The following FAIM2 variants were observed in gnomAD, a reference collection of about 807,000 sequenced individuals.
The protein encoded by FAIM2 is protein lifeguard 2.
FAIM2 carries 27 observed loss-of-function variants against 47.4 expected under a neutral mutation model. The ratio of observed to expected loss-of-function variants is 0.57; its 90% CI spans 0.42 to 0.78. The LOEUF is 0.78. FAIM2 is among the 30% of genes least tolerant of loss of function. FAIM2 has a pLI of 0.00. For synonymous variants in FAIM2, 156 were observed against 159.3 expected (o/e 0.98, Z 0.16); for missense variants, 311 against 389.4 (o/e 0.80, Z 1.69).
Position 49,903,660 on chromosome 12 carries a change from G to A in FAIM2, c.15+118C>T. 4.5e-6 allele frequency: 6 copies of A among 1,326,336 alleles called. No individual in the cohort carries two copies. In the South Asian group the frequency reaches 7.6e-5, roughly 17 times the overall value. 82.2% of individuals were successfully genotyped at this position (1,326,336 alleles called of 1,614,324 possible). A position where few individuals can be genotyped will look rare whatever the true frequency, so the allele number is the denominator to read the frequency against. On this transcript the variant is annotated intron_variant, in intron 1 of 11. Transcript: ENST00000320634. The stretch of plus-strand genomic sequence containing the variant: ...CTCTGACTTCAGCAAGGACCACGGA[G>A]GACCTTCAAACTAGGGCCAGGGGAG...
At position 49,867,947 on chromosome 12, in the gene FAIM2, C is replaced by G. The variant is rs992831136; in HGVS notation, c.*2557G>C. The stretch of plus-strand genomic sequence containing the variant: ...TGCGGCATCTTCTGCCCGGCTTCCC[C>G]AGCTCTGCAAAGAAGCCATTTCTCA... On this transcript the variant is annotated 3_prime_UTR_variant, in exon 12 of 12. Coordinates refer to ENST00000320634, the MANE Select transcript of FAIM2 (RefSeq NM_012306.4). 1 of 152,862 alleles carries G rather than the reference C, an allele frequency of 6.5e-6. No homozygotes were observed. The highest frequency in any genetic ancestry group is 1.5e-5 in the Non-Finnish European group (1 of 68,532). 9.5% of individuals were successfully genotyped at this position (152,862 alleles called of 1,614,324 possible). A position where few individuals can be genotyped will look rare whatever the true frequency, so the allele number is the denominator to read the frequency against.
intron 11 of FAIM2, among the ~76,000 whole-genome samples, chr12:49,879,649 T>G (rs1489508544): frequency 2.0e-5 from 3 of 151,616 alleles, no homozygotes; most frequent in African/African-American, 7.3e-5. Context: ...TGTGTGGGCA[T>G]GTGAATGTGT....
chr12:49,877,893 T>C (rs1459994035), intron 11 of FAIM2, among the ~76,000 whole-genome samples: 1 of 151,748 alleles, frequency 6.6e-6, no homozygotes, highest in African/African-American at 2.4e-5. Context: ...TGTATGTGGG[T>C]ATGTGTGTGT....
chr12:49,877,869 T>C (rs1946748596), intron 11 of FAIM2, among the ~76,000 whole-genome samples: 1 of 151,700 alleles, frequency 6.6e-6, no homozygotes. Flanking sequence ...TGTGTGTGAG[T>C]GTATACATAT....
chr12:49,877,174 C>G lies in FAIM2; in HGVS notation c.802-6521G>C, dbSNP rs554149085. Among the ~76,000 whole-genome samples the G allele has an allele frequency of 5.4e-4, 82 of 152,348 alleles. No homozygotes were observed. In the South Asian group the frequency reaches 0.012, roughly 22 times the overall value. The stretch of plus-strand genomic sequence containing the variant: ...CTCTGCCTCCCCTCCCTCAGTCCCC[C>G]ACCCCAGGGCTTCTCCACCTCCTCC... On this transcript the variant is annotated intron_variant, in intron 11 of 11. Coordinates refer to ENST00000320634, the MANE Select transcript of FAIM2 (RefSeq NM_012306.4).
intron 10 of FAIM2, among the ~76,000 whole-genome samples, chr12:49,888,397 T>G (rs1946876019): frequency 6.6e-6 from 1 of 152,094 alleles, no homozygotes; most frequent in Admixed American, 6.5e-5. Context: ...TGGGGGACTG[T>G]GTACCATGTG....
chr12:49,890,753 C>G, intron 6 of FAIM2, 31 bp from the exon 7 acceptor site: 1 of 1,610,424 alleles, frequency 6.2e-7, no homozygotes, highest in Non-Finnish European at 8.5e-7. Flanking sequence ...TTCAGGGGAT[C>G]GTAGGGGGTG....
chr12:49,880,108 CTGTG>C (rs1205542550), intron 11 of FAIM2, among the ~76,000 whole-genome samples: 5 of 142,518 alleles, frequency 3.5e-5, no homozygotes, highest in African/African-American at 5.2e-5. Context: ...ATATGTGCGT[CTGTG>C]TATGTGTGTG....
intron 10 of FAIM2, among the ~76,000 whole-genome samples, chr12:49,888,863 G>A (rs996479815): frequency 2.6e-5 from 4 of 152,224 alleles, no homozygotes; most frequent in Admixed American, 6.5e-5. Context: ...AGAGGAGGAC[G>A]GGAAAAGTGA....
At position 49,867,110 on chromosome 12, in the gene FAIM2, G is replaced by C. The variant is rs1946668208; in HGVS notation, c.*3394C>G. ...AGAACGGCTCAGGGAGGGCTTGGGAGGGGGTACACTGTGTCCGAGAGATGC... is the reference window on the plus strand; with the variant it reads ...AGAACGGCTCAGGGAGGGCTTGGGACGGGGTACACTGTGTCCGAGAGATGC... On this transcript the variant is annotated 3_prime_UTR_variant, in exon 12 of 12. Transcript: ENST00000320634. 1 of 152,184 alleles carries C rather than the reference G, an allele frequency of 6.6e-6. No individual in the cohort carries two copies. Among genetic ancestry groups the C allele is most frequent in the Admixed American group, 6.5e-5 (1 of 15,278 alleles). 9.4% of individuals were successfully genotyped at this position (152,184 alleles called of 1,614,324 possible).
At chr12:49,875,725 A>G (rs531301277) in intron 11 of FAIM2, among the ~76,000 whole-genome samples, 2 of 152,204 alleles carry the variant, frequency 1.3e-5, no homozygotes, top group Non-Finnish European at 2.9e-5. Flanking sequence ...CAGTAATCCC[A>G]GCACTTTGGG....
In FAIM2 at chr12:49,890,104, C is replaced by G. The variant is rs748878879; in HGVS notation, c.563+13G>C. The stretch of plus-strand genomic sequence containing the variant: ...GCCTATGGTCCTTCTCTCCTTCCAC[C>G]TGTTCCCTTTACCTGGACAGCATCC... On this transcript the variant is annotated intron_variant, in intron 8 of 11. Coordinates refer to ENST00000320634, the MANE Select transcript of FAIM2 (RefSeq NM_012306.4). 12 of 1,613,546 alleles carry G rather than the reference C, an allele frequency of 7.4e-6. No individual in the cohort carries two copies. The highest frequency in any genetic ancestry group is 8.5e-7 in the Non-Finnish European group (1 of 1,179,594).
At chr12:49,870,833 A>G (rs1946697198) in intron 11 of FAIM2, among the ~76,000 whole-genome samples, 180 bp from the exon 12 acceptor site, 3 of 152,166 alleles carry the variant, frequency 2.0e-5, no homozygotes, top group Non-Finnish European at 4.4e-5. Context: ...GCAGCTATTT[A>G]CTGAGCACCT....
intron 11 of FAIM2, among the ~76,000 whole-genome samples, chr12:49,871,769 C>T (rs112106570): frequency 0.013 from 1,937 of 151,810 alleles, 37 homozygotes; most frequent in African/African-American, 0.044. Flanking sequence ...CAGGCTCAAG[C>T]GATTCTCCTG....
intron 11 of FAIM2, among the ~76,000 whole-genome samples, chr12:49,877,367 G>A (rs563462238): frequency 4.7e-4 from 72 of 152,360 alleles, no homozygotes; most frequent in African/African-American, 1.5e-3. Context: ...TGGGTGGGGC[G>A]TCGGGGAGGC....
intron 3 of FAIM2, 105 bp from the exon 4 acceptor site, chr12:49,897,688 C>T: frequency 1.2e-6 from 1 of 819,848 alleles, no homozygotes; most frequent in Non-Finnish European, 2.0e-6. Flanking sequence ...GTGCACTCCA[C>T]CCTCCTTTTT....
chr12:49,879,223 T>C (rs1382882439), intron 11 of FAIM2, among the ~76,000 whole-genome samples: 1 of 24,988 alleles, frequency 4.0e-5, no homozygotes, highest in Non-Finnish European at 7.2e-5. Flanking sequence ...TGTATGTGCA[T>C]GTGTGTATGT....
intron 1 of FAIM2, 84 bp downstream of exon 1, chr12:49,903,694 C>A: frequency 6.6e-7 from 1 of 1,514,552 alleles, no homozygotes; most frequent in South Asian, 1.2e-5. Flanking sequence ...AGGATGCTTT[C>A]GTGGTCCAGA....
intron 1 of FAIM2, among the ~76,000 whole-genome samples, chr12:49,903,153 C>T (rs1946992744): frequency 6.6e-6 from 1 of 152,240 alleles, no homozygotes; most frequent in Non-Finnish European, 1.5e-5. Context: ...AGCCCCTCCC[C>T]TACAATTCAG....
Sources: allele counts gnomAD v4.1 joint callset (sites outside exome capture counted in the v4.1 genomes callset), GRCh38; gene constraint gnomAD v4.1.1; transcripts MANE v1.5; gene names NCBI Gene and HGNC (gene_info 2026-07-23, HGNC 2026-07-21).